The following CNTN1 variants were observed in gnomAD, a reference collection of about 807,000 sequenced individuals.
The protein encoded by CNTN1 is contactin-1.
A neutral mutation model predicts 126.4 loss-of-function variants in CNTN1; 38 were observed. That is an observed-to-expected ratio of 0.30 (90% confidence interval 0.23 to 0.39). The LOEUF (loss-of-function observed/expected upper bound fraction) is 0.39. Among genes scored for constraint, CNTN1 ranks in the 10% least tolerant of loss-of-function variants. The pLI is 1.00. For missense variants in CNTN1, 1,009 were observed against 1,248.4 expected (o/e 0.81, Z 2.89); for synonymous variants, 413 against 422.6 (o/e 0.98, Z 0.28).
At position 41,041,700 on chromosome 12, in the gene CNTN1, C is replaced by T. The variant is rs530532201; in HGVS notation, c.2980+12481C>T. 5.3e-5 allele frequency among the ~76,000 whole-genome samples: 8 copies of T among 152,096 alleles called. No homozygotes were observed. In the South Asian group the frequency reaches 8.3e-4, roughly 16 times the overall value. ...TCTTCTAGATTTTCTAGTTTATTTGCGTAGAGGTGTTTGTGGTATTCTCCA... is the reference window on the plus strand; with the variant it reads ...TCTTCTAGATTTTCTAGTTTATTTGTGTAGAGGTGTTTGTGGTATTCTCCA... On this transcript the variant is annotated intron_variant, in intron 23 of 23. Transcript: ENST00000551295.
intron 1 of CNTN1, among the ~76,000 whole-genome samples, chr12:40,801,791 A>G (rs1940664800): frequency 6.6e-6 from 1 of 151,794 alleles, no homozygotes; most frequent in Non-Finnish European, 1.5e-5. Flanking sequence ...AGTTGGTATG[A>G]TGACATCCAC....
chr12:40,997,361 A>G (rs1948243355), intron 17 of CNTN1, among the ~76,000 whole-genome samples: 1 of 152,176 alleles, frequency 6.6e-6, no homozygotes, highest in African/African-American at 2.4e-5. Flanking sequence ...AAAGAATAAA[A>G]CCAGGAACAA....
At chr12:41,046,843 ATTTC>A (rs1167425912) in intron 23 of CNTN1, among the ~76,000 whole-genome samples, 1 of 114,744 alleles carries the variant, frequency 8.7e-6, no homozygotes, top group Admixed American at 8.7e-5. Context: ...CTTATTGCTT[ATTTC>A]TTTTTTTTTT....
chr12:40,822,481 A>T (rs1008514811), intron 1 of CNTN1, among the ~76,000 whole-genome samples: 3 of 152,018 alleles, frequency 2.0e-5, no homozygotes, highest in African/African-American at 7.2e-5. Context: ...TGGAATTGTG[A>T]TGTATGAGTT....
chr12:40,789,175 A>G (rs1940138229), intron 1 of CNTN1, among the ~76,000 whole-genome samples: 1 of 152,130 alleles, frequency 6.6e-6, no homozygotes, highest in African/African-American at 2.4e-5. Flanking sequence ...TCTTTGTGTG[A>G]CTTTCTGCTA....
At chr12:40,708,010 A>G (rs1941814670) in intron 1 of CNTN1, among the ~76,000 whole-genome samples, 2 of 152,230 alleles carry the variant, frequency 1.3e-5, no homozygotes, top group South Asian at 4.1e-4. Context: ...TTAGTCCTAG[A>G]TACTTTTCTC....
chr12:40,933,782 A>T lies in CNTN1; in HGVS notation c.889A>T (p.Ile297Phe). 1 of 1,612,750 alleles carries T rather than the reference A, an allele frequency of 6.2e-7. No homozygotes were observed. The highest frequency in any genetic ancestry group is 8.5e-7 in the Non-Finnish European group (1 of 1,179,096). ...EISTSGAVLKIFNIQLEDEGI... is the reference protein window; with the variant it reads ...EISTSGAVLKFFNIQLEDEGI... Reference sequence around the variant, plus strand: ...TAGCACCTCTGGGGCTGTTCTTAAGATCTTCAATATTCAGCTAGAAGATGA... The same window carrying T: ...TAGCACCTCTGGGGCTGTTCTTAAGTTCTTCAATATTCAGCTAGAAGATGA... The change falls in exon 9 of 24, where the codon ATC becomes TTC. Residue 297 changes from isoleucine (I) to phenylalanine (F), a missense_variant. Transcript: ENST00000551295.
At chr12:40,911,152 C>T (rs1054265348) in intron 3 of CNTN1, among the ~76,000 whole-genome samples, 25 of 151,418 alleles carry the variant, frequency 1.7e-4, no homozygotes, top group African/African-American at 5.8e-4. Context: ...GCGATCTCGG[C>T]TCACTGCAAG....
chr12:41,051,145 CTTTTTT>C (rs58479316), intron 23 of CNTN1, among the ~76,000 whole-genome samples: 1 of 120,392 alleles, frequency 8.3e-6, no homozygotes, highest in African/African-American at 3.3e-5. Context: ...GCTTTGTGAT[CTTTTTT>C]TTTTTTTTTT....
intron 1 of CNTN1, among the ~76,000 whole-genome samples, chr12:40,726,411 C>T (rs1810632191): frequency 6.6e-6 from 1 of 152,132 alleles, no homozygotes; most frequent in Non-Finnish European, 1.5e-5. Flanking sequence ...CCTCAGGAAA[C>T]TTACAATCAT....
At chr12:41,066,623 C>T (rs529536605) in intron 23 of CNTN1, among the ~76,000 whole-genome samples, 56 of 152,212 alleles carry the variant, frequency 3.7e-4, no homozygotes, top group Non-Finnish European at 5.6e-4. Flanking sequence ...GTTATGGCAT[C>T]GTCAGCAATA....
At position 40,869,030 on chromosome 12, in the gene CNTN1, T is replaced by G. The variant is rs547566761; in HGVS notation, c.-76-39327T>G. Among the ~76,000 whole-genome samples, 4 of 151,990 alleles carry G rather than the reference T, an allele frequency of 2.6e-5. No homozygotes were observed. In the South Asian group the frequency reaches 8.3e-4, roughly 32 times the overall value. ...TTTTTCAGAAATATTAAAGTCAATA[T>G]TTCTGTGAAAATTGAAAAAAAATTT... On this transcript the variant is annotated intron_variant, in intron 1 of 23. Coordinates refer to ENST00000551295, the MANE Select transcript of CNTN1 (RefSeq NM_001843.4).
intron 1 of CNTN1, among the ~76,000 whole-genome samples, chr12:40,825,461 G>A (rs1370935266): frequency 1.3e-5 from 2 of 152,038 alleles, no homozygotes; most frequent in African/African-American, 4.8e-5. Flanking sequence ...TCATATTATA[G>A]AGTTCACTCC....
intron 1 of CNTN1, among the ~76,000 whole-genome samples, chr12:40,880,757 A>G (rs1455000931): frequency 6.6e-6 from 1 of 152,034 alleles, no homozygotes; most frequent in Admixed American, 6.6e-5. Flanking sequence ...ACTCTGGAAC[A>G]CAGATGATTT....
At chr12:40,756,570 G>A (rs1938616042) in intron 1 of CNTN1, among the ~76,000 whole-genome samples, 1 of 152,094 alleles carries the variant, frequency 6.6e-6, no homozygotes, top group African/African-American at 2.4e-5. Flanking sequence ...AAGCAGTACT[G>A]GATGGTACCG....
chr12:40,813,201 A>C, intron 1 of CNTN1, among the ~76,000 whole-genome samples: 1 of 133,122 alleles, frequency 7.5e-6, no homozygotes, highest in Non-Finnish European at 1.6e-5. Flanking sequence ...TGACACAATA[A>C]TTTCAGTTTT....
At chr12:40,925,788 G>A (rs1945649582) in intron 6 of CNTN1, among the ~76,000 whole-genome samples, 1 of 126,142 alleles carries the variant, frequency 7.9e-6, no homozygotes, top group Non-Finnish European at 1.6e-5. Flanking sequence ...TTTTCTTAAG[G>A]AACTATTGAA....
intron 9 of CNTN1, 121 bp downstream of exon 9, chr12:40,933,999 C>T: frequency 1.3e-6 from 1 of 761,442 alleles, no homozygotes; most frequent in Non-Finnish European, 2.2e-6. Flanking sequence ...CATGTTACAT[C>T]ATGGAGAAAG....
intron 16 of CNTN1, among the ~76,000 whole-genome samples, chr12:40,981,463 A>G (rs1217827471): frequency 6.6e-6 from 1 of 152,108 alleles, no homozygotes; most frequent in Non-Finnish European, 1.5e-5. Context: ...CTGAATTTCT[A>G]AAAAACCACA....
Sources: gnomAD v4.1 joint callset for allele counts (sites outside exome capture counted in the v4.1 genomes callset) on GRCh38, gnomAD v4.1.1 for gene constraint, MANE v1.5 for transcripts, NCBI Gene and HGNC (gene_info 2026-07-23, HGNC 2026-07-21) for gene names.